Variants in GAK observed in about 807,000 individuals in gnomAD.
The protein encoded by GAK is cyclin-G-associated kinase.
In GAK, 79 loss-of-function variants were observed where a neutral mutation model predicts 143.9. That is an observed-to-expected ratio of 0.55 (90% CI 0.46 to 0.66). The LOEUF is 0.66. Among genes scored for constraint, GAK ranks in the 30% least tolerant of loss-of-function variants. The pLI is 0.00. For synonymous variants in GAK, 881 were observed against 765.5 expected, an observed-to-expected ratio of 1.15 and a Z score of -2.49; for missense variants, 1,693 against 1,779.7, an observed-to-expected ratio of 0.95 and a Z score of 0.88.
At chr4:913,769 C>G in intron 1 of GAK, 101 bp from the exon 2 acceptor site, 1 of 1,044,016 alleles carries the variant, frequency 9.6e-7, no homozygotes, top group South Asian at 1.3e-5. Flanking sequence ...TGACTTGTGG[C>G]GTGGCCAGCA....
Position 932,223 on chromosome 4 carries a change from T to C in GAK, c.-36A>G. On this transcript the variant is annotated 5_prime_UTR_variant, in exon 1 of 28. Coordinates refer to ENST00000314167, the MANE Select transcript of GAK (RefSeq NM_005255.4). The surrounding 1 kb of genome is among the most constrained non-coding windows in gnomAD (Gnocchi z 4.0). ...GCGCCGCACCCCGCGGCAGCCGGAG[T>C]GGTCGGGCTCGGGCTCCCGCTCCCT... The C allele has an allele frequency of 1.3e-6, 2 of 1,503,844 alleles. No individual in the cohort carries two copies. The highest frequency in any genetic ancestry group is 1.8e-6 in the Non-Finnish European group (2 of 1,129,946). The allele number at this position is 1,503,844 out of a possible 1,614,324, so 93.2% of individuals were successfully genotyped here.
intron 6 of GAK, 40 bp downstream of exon 6, chr4:897,993 A>T (rs761361802): frequency 6.3e-7 from 1 of 1,585,988 alleles, no homozygotes; most frequent in Admixed American, 1.8e-5. Context: ...GGAATGTGGG[A>T]AGGGCCAGCT....
intron 11 of GAK, 131 bp downstream of exon 11, chr4:888,716 T>C (rs1717043636): frequency 9.3e-7 from 1 of 1,080,682 alleles, no homozygotes; most frequent in Non-Finnish European, 1.3e-6. Context: ...CGGGTGATGC[T>C]GTCCCACTGC....
In GAK at chr4:866,519, G is replaced by A. The variant is rs138100414; in HGVS notation, c.2888C>T (p.Pro963Leu). 27 of 1,613,554 alleles carry A rather than the reference G, an allele frequency of 1.7e-5. No homozygotes were observed. The highest frequency in any genetic ancestry group is 1.7e-4 in the Middle Eastern group (1 of 6,056). ...GTTGTTGCCTGAAGACGGCAGAAGC[G>A]GGCCAAAGGGGTCAGCTGTGGGGAC... ...GPPAAADPFG[P>L]LLPSSGNNSQ... Residue 963 changes from proline to leucine, a missense_variant, in exon 22 of 28, where the codon CCG becomes CTG. By Grantham distance (98) the Pro-to-Leu change is moderately conservative. Transcript: ENST00000314167.
intron 23 of GAK, among the ~76,000 whole-genome samples, chr4:862,158 C>T (rs1750400523): frequency 6.6e-6 from 1 of 150,836 alleles, no homozygotes; most frequent in Admixed American, 6.6e-5. Context: ...GGGGCTGCAC[C>T]CGCCAGACTC....
chr4:852,157 C>G, intron 24 of GAK, 183 bp from the exon 25 acceptor site: 1 of 641,626 alleles, frequency 1.6e-6, no homozygotes, highest in South Asian at 1.8e-5. Context: ...GGGGCTGGAG[C>G]ACAGGCCAGG....
intron 11 of GAK, 45 bp downstream of exon 11, chr4:888,802 G>C (rs570789899): frequency 6.4e-7 from 1 of 1,572,206 alleles, no homozygotes; most frequent in East Asian, 2.3e-5. Context: ...CTGCAGCCTG[G>C]AACGAGCGTG....
In GAK at chr4:876,736, C is replaced by T. The variant is rs571936498; in HGVS notation, c.1975-127G>A. Reference sequence around the variant, plus strand: ...GGTGCTGGAGGCATGGACGGCGCCCCCGTGCCACATGTTGTGGGGGAAGCG... The same window carrying T: ...GGTGCTGGAGGCATGGACGGCGCCCTCGTGCCACATGTTGTGGGGGAAGCG... On this transcript the variant is annotated intron_variant, in intron 17 of 27. Transcript: ENST00000314167. 39 of 774,164 alleles carry T rather than the reference C, an allele frequency of 5.0e-5. No individual in the cohort carries two copies. In the African/African-American group the frequency reaches 5.9e-4, roughly 12 times the overall value. 48.0% of individuals were successfully genotyped at this position (774,164 alleles called of 1,614,324 possible).
intron 9 of GAK, among the ~76,000 whole-genome samples, chr4:892,899 A>G (rs1420774768): frequency 6.6e-6 from 1 of 152,216 alleles, no homozygotes; most frequent in African/African-American, 2.4e-5. Flanking sequence ...CAATGGTCCC[A>G]GCATGCCCCC....
intron 24 of GAK, among the ~76,000 whole-genome samples, chr4:858,659 T>G (rs1025264022): frequency 3.9e-5 from 6 of 152,210 alleles, no homozygotes; most frequent in African/African-American, 1.4e-4. Flanking sequence ...GAAAAAACTC[T>G]TGGGACTTCA....
At chr4:916,452 G>A (rs184661898) in intron 1 of GAK, among the ~76,000 whole-genome samples, 38 of 152,224 alleles carry the variant, frequency 2.5e-4, no homozygotes, top group East Asian at 7.7e-4. Context: ...ACGAGGTTTC[G>A]CCAAGTTGCC....
intron 22 of GAK, among the ~76,000 whole-genome samples, 160 bp downstream of exon 22, chr4:866,204 G>A (rs1751134337): frequency 6.6e-6 from 1 of 151,984 alleles, no homozygotes; most frequent in South Asian, 2.1e-4. Flanking sequence ...CCTGACCTCT[G>A]GGACGTCCTG....
At chr4:898,640 T>C (rs142278816) in intron 5 of GAK, among the ~76,000 whole-genome samples, 1,943 of 152,294 alleles carry the variant, frequency 0.013, 33 homozygotes, top group Non-Finnish European at 0.021. Context: ...GGCGGGCGGA[T>C]CACCTGAGGT....
chr4:905,350 G>A (rs1362206106), intron 4 of GAK, among the ~76,000 whole-genome samples: 1 of 152,190 alleles, frequency 6.6e-6, no homozygotes, highest in East Asian at 1.9e-4. Context: ...ACAACTTGCA[G>A]TCACGACTCT....
At position 893,920 on chromosome 4, in the gene GAK, C is replaced by G; in HGVS notation, c.831G>C (p.Ser277=). 6.2e-7 allele frequency: 1 copy of G among 1,612,260 alleles called. No individual in the cohort carries two copies. The change falls in exon 8 of 28, where the codon TCG becomes TCC. Residue 277 remains serine (S), a synonymous_variant. Transcript: ENST00000314167. ...AKLRIVNGKY[S]IPPHDTQYTV... ...TGTACTGCGTGTCGTGCGGGGGGAT[C>G]GAGTACTTCCCATTGACTATTCGAA...
intron 1 of GAK, among the ~76,000 whole-genome samples, chr4:931,616 A>G (rs1231611019): frequency 1.3e-5 from 2 of 152,128 alleles, no homozygotes; most frequent in African/African-American, 2.4e-5. Context: ...TCCTGACTCC[A>G]GCTGTCGGCC....
intron 2 of GAK, among the ~76,000 whole-genome samples, chr4:913,139 C>T (rs1447483046): frequency 6.6e-6 from 1 of 152,272 alleles, no homozygotes; most frequent in Non-Finnish European, 1.5e-5. Flanking sequence ...CTCATGCCCA[C>T]TCTCAAAGGC....
Position 896,499 on chromosome 4 carries a change from C to A in GAK, c.702G>T (p.Leu234Phe), listed in dbSNP as rs144477169. The A allele has an allele frequency of 6.2e-7, 1 of 1,614,116 alleles. No individual in the cohort carries two copies. The highest frequency in any genetic ancestry group is 1.1e-5 in the South Asian group (1 of 91,086). Residue 234 changes from leucine to phenylalanine, a missense_variant, in exon 7 of 28, where the codon TTG becomes TTT. By Grantham distance (22) the Leu-to-Phe change is conservative. This residue lies in a region of GAK where 871 missense variants were observed against 991.0 expected (regional missense o/e 0.88). Transcript: ENST00000314167. ...TCTCGCCGATCGGGAAGTTGGAATA[C>A]AAGTCTATGATTTCTGGTGTTCTAT... Reference protein sequence around the residue: ...PMYRTPEIIDLYSNFPIGEKQ... With the variant: ...PMYRTPEIIDFYSNFPIGEKQ...
At chr4:911,547 G>T in intron 4 of GAK, 126 bp downstream of exon 4, 1 of 652,668 alleles carries the variant, frequency 1.5e-6, no homozygotes. Flanking sequence ...CGCGCTTCCC[G>T]CTAAGACCAA....
Sources: gnomAD v4.1 joint callset for allele counts (sites outside exome capture counted in the v4.1 genomes callset) on GRCh38, gnomAD v4.1.1 for gene constraint, gnomAD v4.1.1 regional missense constraint, Gnocchi (gnomAD v3.1) non-coding constraint, MANE v1.5 for transcripts, NCBI Gene and HGNC (gene_info 2026-07-23, HGNC 2026-07-21) for gene names.